EXOC6B: variants seen among roughly 807,000 people sequenced by gnomAD.
The protein encoded by EXOC6B is SEC15 homolog B.
Under a neutral mutation model 113.5 loss-of-function variants are expected in EXOC6B, and 54 were observed. That is an observed-to-expected ratio of 0.48 (90% CI 0.38 to 0.60). The LOEUF (loss-of-function observed/expected upper bound fraction) is 0.60. EXOC6B is among the 20% of genes least tolerant of loss of function. The probability of loss-of-function intolerance (pLI) is 0.00; values close to 1 mark genes in which losing one functional copy is unlikely to be tolerated. For synonymous variants in EXOC6B, 357 were observed against 339.0 expected (o/e 1.05, Z -0.58); for missense variants, 797 against 977.5 (o/e 0.82, Z 2.46).
In EXOC6B at chr2:72,200,032, G is replaced by A. The variant is rs903264184; in HGVS notation, c.2197-15845C>T. Among the ~76,000 whole-genome samples, 50 of 152,256 alleles carry A rather than the reference G, an allele frequency of 3.3e-4. 1 individual carries two copies. Among genetic ancestry groups the A allele is most frequent in the African/African-American group, 7.9e-4 (33 of 41,544 alleles). On this transcript the variant is annotated intron_variant, in intron 20 of 21. Coordinates refer to ENST00000272427, the MANE Select transcript of EXOC6B (RefSeq NM_015189.3). ...CTGCCTCAGCCTCCCGAGTAGCTGG[G>A]ATTACAAGCGTGTGCCACCACCCCC... is the stretch of plus-strand genomic sequence containing the variant.
At chr2:72,246,371 T>G (rs1352609536) in intron 20 of EXOC6B, among the ~76,000 whole-genome samples, 1 of 152,208 alleles carries the variant, frequency 6.6e-6, no homozygotes, top group Admixed American at 6.5e-5. Flanking sequence ...GAATGGTAAC[T>G]CCATGAGGGG....
intron 18 of EXOC6B, among the ~76,000 whole-genome samples, chr2:72,395,062 G>C (rs548678909): frequency 6.6e-6 from 1 of 151,526 alleles, no homozygotes; most frequent in Non-Finnish European, 1.5e-5. Context: ...ACAAAAAAGA[G>C]AAAAGAAAAA....
rs1190882848 is a variant in EXOC6B at position 72,421,764 on chromosome 2, G to C, written c.1981-41894C>G. Among the ~76,000 whole-genome samples, 6 of 152,218 alleles carry C rather than the reference G, an allele frequency of 3.9e-5. No individual in the cohort carries two copies. The East Asian group carries it at 1.2e-3, about 29-fold the overall frequency. On this transcript the variant is annotated intron_variant, in intron 18 of 21. Coordinates refer to ENST00000272427, the MANE Select transcript of EXOC6B (RefSeq NM_015189.3). The stretch of plus-strand genomic sequence containing the variant: ...CCCTTCGGCCCGCCGCTGCACTGTG[G>C]GAGCCCCTTTCTGGGCTGGCCAAGG...
rs1036660990 is a variant in EXOC6B, at chr2:72,663,722, G to A, written c.669+54381C>T. 3.3e-5 allele frequency among the ~76,000 whole-genome samples: 5 copies of A among 151,740 alleles called. No homozygotes were observed. In the East Asian group the frequency reaches 9.7e-4, roughly 30 times the overall value. On this transcript the variant is annotated intron_variant, in intron 6 of 21. Coordinates refer to ENST00000272427, the MANE Select transcript of EXOC6B (RefSeq NM_015189.3). ...AAGGGAGGGGGAGGGATGAAGAGGT[G>A]GAATACATAGGACTTTTAGGGCAGT...
chr2:72,719,225 A>G (rs1054568146), intron 5 of EXOC6B, among the ~76,000 whole-genome samples: 5 of 152,194 alleles, frequency 3.3e-5, no homozygotes, highest in Non-Finnish European at 7.3e-5. Flanking sequence ...TTTGGAGCAG[A>G]GGGCAAAAAA....
intron 20 of EXOC6B, among the ~76,000 whole-genome samples, chr2:72,329,059 A>G (rs1447993551): frequency 6.6e-6 from 1 of 152,072 alleles, no homozygotes; most frequent in African/African-American, 2.4e-5. Flanking sequence ...CTCTACTGAC[A>G]ACATTACTGG....
chr2:72,303,249 C>G (rs953511018), intron 20 of EXOC6B, among the ~76,000 whole-genome samples: 3 of 152,030 alleles, frequency 2.0e-5, no homozygotes, highest in Non-Finnish European at 4.4e-5. Flanking sequence ...CTTTCAGGGG[C>G]TCTCTGTGTT....
chr2:72,251,016 C>CG (rs1240140752), intron 20 of EXOC6B, among the ~76,000 whole-genome samples: 4 of 141,552 alleles, frequency 2.8e-5, no homozygotes, highest in African/African-American at 1.0e-4. Context: ...TTTATGGAGA[C>CG]GGGGTCTCAC....
At chr2:72,432,182 A>G (rs528240572) in intron 18 of EXOC6B, among the ~76,000 whole-genome samples, 1 of 152,106 alleles carries the variant, frequency 6.6e-6, no homozygotes, top group Non-Finnish European at 1.5e-5. Context: ...GACTACAGGC[A>G]CACACCACCA....
intron 20 of EXOC6B, among the ~76,000 whole-genome samples, chr2:72,230,221 A>C (rs373726946): frequency 3.9e-4 from 59 of 152,316 alleles, no homozygotes; most frequent in African/African-American, 1.4e-3. Flanking sequence ...TTTACTATGG[A>C]ACTCCTTCAC....
At position 72,457,130 on chromosome 2, in the gene EXOC6B, CAG is replaced by C. The variant is rs1362663880; in HGVS notation, c.1980+8028_1980+8029del. On this transcript the variant is annotated intron_variant, in intron 18 of 21. Coordinates refer to ENST00000272427, the MANE Select transcript of EXOC6B (RefSeq NM_015189.3). ...AACAGAGACAGAGACAGAAAAAAGA[CAG>C]AAAGGTAGTTTAAGGTCCCATTATG... is the stretch of plus-strand genomic sequence containing the variant. 2.6e-5 allele frequency among the ~76,000 whole-genome samples: 4 copies of C among 151,882 alleles called. No homozygotes were observed. In the East Asian group the frequency reaches 5.8e-4, roughly 22 times the overall value.
At chr2:72,273,250 G>A (rs1229606392) in intron 20 of EXOC6B, among the ~76,000 whole-genome samples, 1 of 152,056 alleles carries the variant, frequency 6.6e-6, no homozygotes, top group Non-Finnish European at 1.5e-5. Flanking sequence ...TATCTCGTTG[G>A]AAATTATTTG....
chr2:72,392,873 T>C (rs543655610), intron 18 of EXOC6B, among the ~76,000 whole-genome samples: 14 of 152,286 alleles, frequency 9.2e-5, no homozygotes, highest in African/African-American at 3.1e-4. Flanking sequence ...ATATTTTAAC[T>C]GAAAGCACAA....
chr2:72,633,821 A>G (rs1294460849), intron 6 of EXOC6B, among the ~76,000 whole-genome samples: 1 of 152,232 alleles, frequency 6.6e-6, no homozygotes, highest in Admixed American at 6.5e-5. Flanking sequence ...GAGAATAAAA[A>G]TAAACTTTAA....
intron 17 of EXOC6B, among the ~76,000 whole-genome samples, chr2:72,474,359 C>T (rs536103879): frequency 6.6e-6 from 1 of 152,098 alleles, no homozygotes; most frequent in African/African-American, 2.4e-5. Flanking sequence ...GTAAGTTTTC[C>T]AACTCTTTTT....
At chr2:72,667,964 A>G (rs1480178080) in intron 6 of EXOC6B, among the ~76,000 whole-genome samples, 1 of 152,200 alleles carries the variant, frequency 6.6e-6, no homozygotes, top group Non-Finnish European at 1.5e-5. Context: ...TTCACCAACT[A>G]TGCATCCAAC....
intron 6 of EXOC6B, among the ~76,000 whole-genome samples, chr2:72,642,709 G>A (rs1312510851): frequency 8.0e-5 from 12 of 150,448 alleles, no homozygotes; most frequent in Admixed American, 2.0e-4. Context: ...CATGGGCAAG[G>A]ACTTCATGTC....
chr2:72,226,869 T>C lies in EXOC6B; in HGVS notation c.2197-42682A>G, dbSNP rs550693901. Among the ~76,000 whole-genome samples the C allele has an allele frequency of 2.0e-4, 30 of 152,296 alleles. No homozygotes were observed. In the East Asian group the frequency reaches 5.0e-3, roughly 25 times the overall value. The stretch of plus-strand genomic sequence containing the variant: ...TATATATATTTGACATCTCTGTCAG[T>C]CAATTAAATAATGTCAAAAGCAAAA... On this transcript the variant is annotated intron_variant, in intron 20 of 21. Transcript: ENST00000272427.
At chr2:72,725,017 A>G (rs1256601147) in intron 5 of EXOC6B, among the ~76,000 whole-genome samples, 1 of 152,234 alleles carries the variant, frequency 6.6e-6, no homozygotes, top group African/African-American at 2.4e-5. Context: ...TGTAGAAATC[A>G]GGTCAACATT....
Sources: gnomAD v4.1 joint callset for allele counts (sites outside exome capture counted in the v4.1 genomes callset) on GRCh38, gnomAD v4.1.1 for gene constraint, MANE v1.5 for transcripts, NCBI Gene and HGNC (gene_info 2026-07-23, HGNC 2026-07-21) for gene names.